The following TARS1 variants were observed in gnomAD, a reference collection of about 807,000 sequenced individuals.
TARS1 encodes threonine--tRNA ligase 1, cytoplasmic.
TARS1 carries 57 observed loss-of-function variants against 97.7 expected under a neutral mutation model. That is an observed-to-expected ratio of 0.58 (90% CI 0.47 to 0.73). The LOEUF is 0.73. Among genes scored for constraint, TARS1 ranks in the 30% least tolerant of loss-of-function variants. The probability of loss-of-function intolerance (pLI) is 0.00; values close to 1 mark genes in which losing one functional copy is unlikely to be tolerated. For missense variants in TARS1, 806 were observed against 888.3 expected, an observed-to-expected ratio of 0.91 and a Z score of 1.18; for synonymous variants, 312 against 293.7, an observed-to-expected ratio of 1.06 and a Z score of -0.64.
intron 3 of TARS1, among the ~76,000 whole-genome samples, chr5:33,450,373 C>T (rs1179582239): frequency 2.6e-5 from 4 of 152,214 alleles, no homozygotes; most frequent in Admixed American, 6.5e-5. Flanking sequence ...TCTTGGTAAG[C>T]GTATTATACA....
chr5:33,464,561 TCAAAAC>T (rs1742443574), intron 17 of TARS1, among the ~76,000 whole-genome samples: 3 of 152,182 alleles, frequency 2.0e-5, no homozygotes, highest in Non-Finnish European at 4.4e-5. Context: ...TACTGTAACA[TCAAAAC>T]CATCATGTCT....
intron 13 of TARS1, 76 bp from the exon 14 acceptor site, chr5:33,461,591 A>G: frequency 7.1e-7 from 1 of 1,408,310 alleles, no homozygotes; most frequent in Non-Finnish European, 9.9e-7. Flanking sequence ...TAATTACTGT[A>G]TTTTTAGTCT....
Position 33,448,545 on chromosome 5 carries a change from A to G in TARS1, c.143A>G (p.Asn48Ser). 6.4e-7 allele frequency: 1 copy of G among 1,572,736 alleles called. No homozygotes were observed. Among genetic ancestry groups the G allele is most frequent in the Non-Finnish European group, 8.6e-7 (1 of 1,158,188 alleles). ...GSGDGGRAEL[N>S]PWPEYIYTRL... ...GATTTGTTTGTTGTCTTGCAGTTGA[A>G]TCCTTGGCCTGAATATATTTACACA... is the stretch of plus-strand genomic sequence containing the variant. Residue 48 changes from asparagine to serine, a missense_variant, in exon 3 of 19, where the codon AAT becomes AGT. Physicochemically the swap from Asn to Ser is conservative, Grantham distance 46 (BLOSUM62 1). Coordinates refer to ENST00000265112, the MANE Select transcript of TARS1 (RefSeq NM_152295.5).
intron 1 of TARS1, 62 bp from the exon 2 acceptor site, chr5:33,445,262 G>T: frequency 8.1e-7 from 1 of 1,239,152 alleles, no homozygotes; most frequent in East Asian, 2.5e-5. Flanking sequence ...ACACTTCCTG[G>T]GGCATCACAG....
chr5:33,449,175 T>A (rs1295674901), intron 3 of TARS1, among the ~76,000 whole-genome samples: 1 of 152,038 alleles, frequency 6.6e-6, no homozygotes. Flanking sequence ...AAAACTTTTA[T>A]TGGGGTGGGA....
rs776096724 is a variant in TARS1 at position 33,459,781 on chromosome 5, G to A, written c.1170G>A (p.Gln390=). 8 of 1,614,210 alleles carry A rather than the reference G, an allele frequency of 5.0e-6. No individual in the cohort carries two copies. Among genetic ancestry groups the A allele is most frequent in the South Asian group, 4.4e-5 (4 of 91,086 alleles). The change falls in exon 11 of 19, where the codon CAG becomes CAA. Residue 390 remains glutamine, a synonymous_variant. Coordinates refer to ENST00000265112, the MANE Select transcript of TARS1 (RefSeq NM_152295.5). ...SRLWMTSGHW[Q]HYSENMFSFE... The stretch of plus-strand genomic sequence containing the variant: ...TCTGGATGACCTCGGGCCACTGGCA[G>A]CACTACAGCGAGAACATGTTCTCCT...
rs1041844020 is a variant in TARS1 at position 33,451,461 on chromosome 5, G to A, written c.330-1828G>A. Among the ~76,000 whole-genome samples the A allele has an allele frequency of 4.0e-5, 6 of 150,352 alleles. No individual in the cohort carries two copies. The South Asian group carries it at 6.3e-4, about 16-fold the overall frequency. On this transcript the variant is annotated intron_variant, in intron 3 of 18. Coordinates refer to ENST00000265112, the MANE Select transcript of TARS1 (RefSeq NM_152295.5). ...GCCATCTTGGCTCACTGCAAGCTCC[G>A]CTTCCTGGGTTGACGCCATTCTCCT...
chr5:33,461,233 A>G lies in TARS1; in HGVS notation c.1489A>G (p.Asn497Asp), dbSNP rs1247257268. 6.2e-7 allele frequency: 1 copy of G among 1,613,962 alleles called. No homozygotes were observed. The highest frequency in any genetic ancestry group is 1.3e-5 in the African/African-American group (1 of 74,922). The change falls in exon 13 of 19, where the codon AAC becomes GAC. Residue 497 changes from asparagine to aspartate, a missense_variant. Physicochemically the swap from Asn to Asp is conservative, Grantham distance 23. Coordinates refer to ENST00000265112, the MANE Select transcript of TARS1 (RefSeq NM_152295.5). ...YSVFGFSFKL[N>D]LSTRPEKFLG... Reference sequence around the variant, plus strand: ...CGTATTTGGATTTTCTTTTAAACTAAACCTTTCTACTCGCCCGGAAAAATT... The same window carrying G: ...CGTATTTGGATTTTCTTTTAAACTAGACCTTTCTACTCGCCCGGAAAAATT...
At chr5:33,443,310 T>TCTCG (rs1741216090) in intron 1 of TARS1, among the ~76,000 whole-genome samples, 1 of 131,422 alleles carries the variant, frequency 7.6e-6, no homozygotes, top group Non-Finnish European at 1.6e-5. Flanking sequence ...TGATTCCCTC[T>TCTCG]CTCTCTCTCC....
At chr5:33,451,751 A>G (rs1353162347) in intron 3 of TARS1, among the ~76,000 whole-genome samples, 1 of 152,344 alleles carries the variant, frequency 6.6e-6, no homozygotes, top group Non-Finnish European at 1.5e-5. Context: ...TGTGTAATCT[A>G]CATTTTCAGA....
At chr5:33,441,499 G>T in intron 1 of TARS1, 1 of 226,842 alleles carries the variant, frequency 4.4e-6, no homozygotes. Context: ...TACTGTAAGC[G>T]GGAAACACAT....
intron 6 of TARS1, 70 bp downstream of exon 6, chr5:33,455,774 C>T: frequency 1.7e-6 from 2 of 1,153,950 alleles, no homozygotes; most frequent in Non-Finnish European, 2.5e-6. Context: ...AGTGACACCA[C>T]TGGCGTTCCG....
chr5:33,457,130 G>C, intron 8 of TARS1, 127 bp from the exon 9 acceptor site: 2 of 1,139,376 alleles, frequency 1.8e-6, no homozygotes, highest in Admixed American at 2.5e-5. Flanking sequence ...TTTGAGGATA[G>C]AAAACAGCCA....
At chr5:33,465,486 G>A (rs541979704) in intron 17 of TARS1, among the ~76,000 whole-genome samples, 1 of 152,174 alleles carries the variant, frequency 6.6e-6, no homozygotes, top group African/African-American at 2.4e-5. Context: ...CCCATCTCAC[G>A]TGCACACACA....
intron 2 of TARS1, among the ~76,000 whole-genome samples, chr5:33,448,046 C>G (rs3777077): frequency 0.72 from 109,144 of 152,134 alleles, 39,864 homozygotes; most frequent in East Asian, 0.87. Context: ...ATACTCCAAG[C>G]TGATCATGGC....
intron 2 of TARS1, among the ~76,000 whole-genome samples, chr5:33,445,859 C>A (rs1741385734): frequency 6.6e-6 from 1 of 152,178 alleles, no homozygotes; most frequent in East Asian, 1.9e-4. Flanking sequence ...CTAGGGTTGG[C>A]TTCTAAGCCA....
chr5:33,458,519 C>T (rs200879879), intron 9 of TARS1, 47 bp from the exon 10 acceptor site: 230 of 1,511,292 alleles, frequency 1.5e-4, no homozygotes, highest in Middle Eastern at 3.4e-4. Context: ...TATACACACA[C>T]GTATACGTGA....
At position 33,453,305 on chromosome 5, in the gene TARS1, A is replaced by G; in HGVS notation, c.346A>G (p.Asn116Asp). 1.3e-6 allele frequency: 2 copies of G among 1,597,610 alleles called. No individual in the cohort carries two copies. Among genetic ancestry groups the G allele is most frequent in the Non-Finnish European group, 1.7e-6 (2 of 1,174,380 alleles). The change falls in exon 4 of 19, where the codon AAC (asparagine) becomes GAC (aspartate). Residue 116 changes from asparagine (N) to aspartate (D), a missense_variant. Asn to Asp is a conservative substitution (Grantham distance 23). Coordinates refer to ENST00000265112, the MANE Select transcript of TARS1 (RefSeq NM_152295.5). Reference protein sequence around the residue: ...ACGISQGLADNTVIAKVNNVV... With the variant: ...ACGISQGLADDTVIAKVNNVV... ...TTTTTTAAGTCAAGGCCTGGCCGAC[A>G]ACACCGTTATTGCTAAAGTAAATAA...
At chr5:33,447,754 C>T (rs1417379116) in intron 2 of TARS1, among the ~76,000 whole-genome samples, 1 of 152,210 alleles carries the variant, frequency 6.6e-6, no homozygotes, top group Non-Finnish European at 1.5e-5. Context: ...AAGCAATCTC[C>T]TCTTCACTTT....
Sources: allele counts gnomAD v4.1 joint callset (sites outside exome capture counted in the v4.1 genomes callset), GRCh38; gene constraint gnomAD v4.1.1; transcripts MANE v1.5; gene names NCBI Gene and HGNC (gene_info 2026-07-23, HGNC 2026-07-21).